Variants in ARFIP1 observed in about 807,000 individuals in gnomAD.
ARFIP1 encodes arfaptin-1.
A neutral mutation model predicts 42.5 loss-of-function variants in ARFIP1; 24 were observed. The observed-to-expected ratio is 0.57, with a 90% CI of 0.41 to 0.80. ARFIP1 has a LOEUF of 0.80. Ranked by LOEUF, ARFIP1 falls within the 30% of genes least tolerant of loss-of-function variation. ARFIP1 has a pLI of 0.00. For missense variants in ARFIP1, 354 were observed against 434.0 expected, an observed-to-expected ratio of 0.82 and a Z score of 1.64; for synonymous variants, 141 against 153.7, an observed-to-expected ratio of 0.92 and a Z score of 0.61.
chr4:152,905,570 T>TTTTTTTTTTTTTTTTTTA (rs1738277724), intron 8 of ARFIP1, among the ~76,000 whole-genome samples: 1 of 139,150 alleles, frequency 7.2e-6, no homozygotes, highest in Admixed American at 7.4e-5. Flanking sequence ...TTTTTTTTTT[T>TTTTTTTTTTTTTTTTTTA]GAGATGGAGT....
intron 2 of ARFIP1, among the ~76,000 whole-genome samples, chr4:152,841,281 C>G (rs1732052038): frequency 6.6e-6 from 1 of 151,922 alleles, no homozygotes; most frequent in African/African-American, 2.4e-5. Context: ...TGATCCGCCC[C>G]CCTCAGCCTC....
At chr4:152,889,036 C>T (rs1736503021) in intron 8 of ARFIP1, among the ~76,000 whole-genome samples, 1 of 152,136 alleles carries the variant, frequency 6.6e-6, no homozygotes, top group African/African-American at 2.4e-5. Flanking sequence ...ACAGATGGGT[C>T]TCACCATTGC....
At chr4:152,889,790 T>TAC (rs1233586882) in intron 8 of ARFIP1, among the ~76,000 whole-genome samples, 8 of 20,762 alleles carry the variant, frequency 3.9e-4, no homozygotes, top group South Asian at 1.7e-3. Context: ...ATACTATATA[T>TAC]TATATACTAT....
At chr4:152,796,978 T>A (rs1282258760) in intron 1 of ARFIP1, 1 of 232,464 alleles carries the variant, frequency 4.3e-6, no homozygotes, top group African/African-American at 2.3e-5. Context: ...GCATGTACTA[T>A]GTGTGTTGTC....
chr4:152,783,023 G>A lies in ARFIP1; in HGVS notation c.-10+2797G>A, dbSNP rs900075846. Among the ~76,000 whole-genome samples, 19 of 152,198 alleles carry A rather than the reference G, an allele frequency of 1.2e-4. No homozygotes were observed. The East Asian group carries it at 2.9e-3, about 23-fold the overall frequency. ...TCAACATAAGTTTATAGAGAATAGC[G>A]TATGCTAGGCTGGGCACGGTGCCTC... On this transcript the variant is annotated intron_variant, in intron 1 of 8. Transcript: ENST00000353617.
intron 7 of ARFIP1, among the ~76,000 whole-genome samples, chr4:152,886,440 G>A (rs779575818): frequency 4.6e-5 from 7 of 151,814 alleles, no homozygotes; most frequent in Non-Finnish European, 7.4e-5. Context: ...CTGACATACC[G>A]AATTCCCAAA....
At chr4:152,805,362 A>G (rs1728921206) in intron 1 of ARFIP1, among the ~76,000 whole-genome samples, 2 of 152,258 alleles carry the variant, frequency 1.3e-5, no homozygotes, top group Non-Finnish European at 2.9e-5. Flanking sequence ...TTGGAAAACC[A>G]GAATCCAGGC....
chr4:152,830,160 C>T (rs1254223478), intron 2 of ARFIP1, among the ~76,000 whole-genome samples: 5 of 152,026 alleles, frequency 3.3e-5, no homozygotes, highest in Non-Finnish European at 7.4e-5. Flanking sequence ...AAATGATACT[C>T]GGGGTGCATT....
chr4:152,848,486 G>A (rs1216746105), intron 2 of ARFIP1, among the ~76,000 whole-genome samples: 1 of 152,154 alleles, frequency 6.6e-6, no homozygotes, highest in African/African-American at 2.4e-5. Context: ...GTGAGTCTTT[G>A]TTGTTATAGT....
intron 2 of ARFIP1, among the ~76,000 whole-genome samples, chr4:152,856,804 A>G (rs1383601438): frequency 1.3e-5 from 2 of 152,236 alleles, no homozygotes; most frequent in Non-Finnish European, 2.9e-5. Context: ...AAAGCTGTCA[A>G]GACTTAAGCA....
chr4:152,801,801 A>G (rs1728444671), intron 1 of ARFIP1, among the ~76,000 whole-genome samples: 1 of 152,156 alleles, frequency 6.6e-6, no homozygotes, highest in Non-Finnish European at 1.5e-5. Flanking sequence ...GTTAGTCTTG[A>G]GCTGAAATCA....
chr4:152,895,551 C>CT lies in ARFIP1; in HGVS notation c.966+7271dup, dbSNP rs34697452. ...ACTGGTACATGCCACTGCACTTGGC[C>CT]TTTTTTTTTTTTTTTTTTTTTTTTT... On this transcript the variant is annotated intron_variant, in intron 8 of 8. Transcript: ENST00000353617. Among the ~76,000 whole-genome samples, 413 of 63,920 alleles carry CT rather than the reference C, an allele frequency of 6.5e-3. 32 individuals are homozygous for CT. In the East Asian group the frequency reaches 0.099, roughly 15 times the overall value. The allele number at this position is 63,920 out of a possible 152,430, so 41.9% of individuals were successfully genotyped here. A position where few individuals can be genotyped will look rare whatever the true frequency, so the allele number is the denominator to read the frequency against.
chr4:152,817,650 G>C (rs1730007246), intron 1 of ARFIP1, among the ~76,000 whole-genome samples: 1 of 152,180 alleles, frequency 6.6e-6, no homozygotes, highest in Non-Finnish European at 1.5e-5. Context: ...GGACACAACA[G>C]AGTGAAAAGG....
At chr4:152,889,619 T>G (rs1187049976) in intron 8 of ARFIP1, among the ~76,000 whole-genome samples, 1 of 129,790 alleles carries the variant, frequency 7.7e-6, no homozygotes, top group Non-Finnish European at 1.6e-5. Flanking sequence ...TATATACATA[T>G]ATATACTATA....
chr4:152,832,365 C>T (rs1731320203), intron 2 of ARFIP1, among the ~76,000 whole-genome samples: 1 of 152,086 alleles, frequency 6.6e-6, no homozygotes, highest in South Asian at 2.1e-4. Flanking sequence ...TCTTATTGAC[C>T]ATTGGAGATT....
chr4:152,844,685 C>T (rs1047667549), intron 2 of ARFIP1, among the ~76,000 whole-genome samples: 9 of 151,880 alleles, frequency 5.9e-5, no homozygotes, highest in Non-Finnish European at 1.3e-4. Context: ...CTGTTTGTAC[C>T]TGCTGTTATT....
intron 5 of ARFIP1, among the ~76,000 whole-genome samples, chr4:152,876,112 G>A (rs1385972303): frequency 6.6e-6 from 1 of 151,876 alleles, no homozygotes; most frequent in African/African-American, 2.4e-5. Flanking sequence ...AACTAATACA[G>A]TAAATTGGTA....
chr4:152,881,046 A>C lies in ARFIP1; in HGVS notation c.495A>C (p.Leu165Phe), dbSNP rs766529190. 23 of 1,613,696 alleles carry C rather than the reference A, an allele frequency of 1.4e-5. No homozygotes were observed. The highest frequency in any genetic ancestry group is 1.9e-5 in the Non-Finnish European group (23 of 1,179,740). ...AACTTGAAGCTCAGATTGATATATT[A>C]AGGGATAACAAGAAAAAATATGAAA... is the stretch of plus-strand genomic sequence containing the variant. ...DLELEAQIDI[L>F]RDNKKKYENI... Residue 165 changes from leucine to phenylalanine, a missense_variant, in exon 6 of 9, where the codon TTA (leucine) becomes TTC (phenylalanine). Leu to Phe is a conservative substitution (Grantham distance 22). Coordinates refer to ENST00000353617, the MANE Select transcript of ARFIP1 (RefSeq NM_001025595.3).
intron 1 of ARFIP1, among the ~76,000 whole-genome samples, chr4:152,798,974 G>T (rs1023780565): frequency 6.6e-6 from 1 of 152,234 alleles, no homozygotes; most frequent in African/African-American, 2.4e-5. Context: ...AGGTCAGGGA[G>T]ATCTGAGTTC....
Sources: gnomAD v4.1 joint callset for allele counts (sites outside exome capture counted in the v4.1 genomes callset) on GRCh38, gnomAD v4.1.1 for gene constraint, MANE v1.5 for transcripts, NCBI Gene and HGNC (gene_info 2026-07-23, HGNC 2026-07-21) for gene names.